KCTD16: variants seen among roughly 807,000 people sequenced by gnomAD.
KCTD16 encodes the protein potassium channel tetramerization domain containing 16.
A neutral mutation model predicts 33.2 loss-of-function variants in KCTD16; 13 were observed. That is an observed-to-expected ratio of 0.39 (90% CI 0.25 to 0.62). The LOEUF is 0.62. Ranked by LOEUF, KCTD16 falls within the 20% of genes least tolerant of loss-of-function variation. The pLI is 0.50. For missense variants in KCTD16, 441 were observed against 525.1 expected (o/e 0.84, Z 1.57); for synonymous variants, 197 against 195.3 (o/e 1.01, Z -0.07).
intron 3 of KCTD16, among the ~76,000 whole-genome samples, chr5:144,338,339 A>G (rs895436381): frequency 2.0e-5 from 3 of 152,194 alleles, no homozygotes; most frequent in Admixed American, 6.5e-5. Flanking sequence ...AGACTGGTTG[A>G]CCTGGGATCA....
intron 3 of KCTD16, among the ~76,000 whole-genome samples, chr5:144,349,735 C>T (rs1752898930): frequency 6.6e-6 from 1 of 152,184 alleles, no homozygotes; most frequent in South Asian, 2.1e-4. Context: ...GGTCCTATCC[C>T]TGGCCCAAGG....
intron 2 of KCTD16, chr5:144,205,841 A>T: frequency 2.9e-6 from 1 of 339,288 alleles, no homozygotes; most frequent in Non-Finnish European, 5.3e-6. Context: ...CATAAATACA[A>T]ATAGGCATTT....
chr5:144,378,334 GC>G (rs1476252417), intron 3 of KCTD16, among the ~76,000 whole-genome samples: 1 of 152,168 alleles, frequency 6.6e-6, no homozygotes, highest in Non-Finnish European at 1.5e-5. Context: ...GGTGTATATT[GC>G]CAGATAATAT....
intron 3 of KCTD16, among the ~76,000 whole-genome samples, chr5:144,328,086 G>A (rs1397626780): frequency 1.3e-5 from 2 of 152,258 alleles, no homozygotes; most frequent in East Asian, 3.9e-4. Flanking sequence ...CACTTAGAAA[G>A]TGAGAAAAGT....
chr5:144,176,405 TTTTTTTTTGAGACGGAGTCTCG>T, intron 2 of KCTD16, among the ~76,000 whole-genome samples: 1 of 144,576 alleles, frequency 6.9e-6, no homozygotes, highest in Non-Finnish European at 1.5e-5. Context: ...TTTTTTTTTT[TTTTTTTTTGAGACGGAGTCTCG>T]CTCTGTCGCC....
At chr5:144,273,600 C>G (rs1266814835) in intron 3 of KCTD16, among the ~76,000 whole-genome samples, 1 of 151,998 alleles carries the variant, frequency 6.6e-6, no homozygotes, top group Non-Finnish European at 1.5e-5. Context: ...TAGATAAGCA[C>G]AATGTAATTC....
At chr5:144,419,002 CTCA>C (rs1300565087) in intron 3 of KCTD16, among the ~76,000 whole-genome samples, 1 of 152,186 alleles carries the variant, frequency 6.6e-6, no homozygotes, top group Non-Finnish European at 1.5e-5. Flanking sequence ...AGTTACACAA[CTCA>C]TCATCTGTCG....
At chr5:144,280,402 T>C (rs1315487142) in intron 3 of KCTD16, among the ~76,000 whole-genome samples, 3 of 152,228 alleles carry the variant, frequency 2.0e-5, no homozygotes, top group African/African-American at 7.2e-5. Context: ...GAGTAAGTTT[T>C]GGCAGTGTAT....
At chr5:144,386,250 A>T (rs1011269433) in intron 3 of KCTD16, among the ~76,000 whole-genome samples, 5 of 152,130 alleles carry the variant, frequency 3.3e-5, no homozygotes, top group Non-Finnish European at 5.9e-5. Flanking sequence ...TAGGGTGTGT[A>T]CTTCATGCCT....
chr5:144,404,423 A>G (rs1256366205), intron 3 of KCTD16, among the ~76,000 whole-genome samples: 1 of 152,092 alleles, frequency 6.6e-6, no homozygotes, highest in African/African-American at 2.4e-5. Flanking sequence ...TTCAATGAAT[A>G]TTTTCTCCCT....
intron 3 of KCTD16, among the ~76,000 whole-genome samples, chr5:144,385,834 G>T (rs998837561): frequency 6.6e-6 from 1 of 152,026 alleles, no homozygotes; most frequent in Non-Finnish European, 1.5e-5. Context: ...CTTAAAAAAA[G>T]AAGTGGTTCC....
chr5:144,330,425 A>G (rs1313028880), intron 3 of KCTD16, among the ~76,000 whole-genome samples: 1 of 151,654 alleles, frequency 6.6e-6, no homozygotes, highest in Non-Finnish European at 1.5e-5. Context: ...AAAAAAAAAA[A>G]AAAAAAAAAG....
intron 3 of KCTD16, among the ~76,000 whole-genome samples, chr5:144,314,460 T>C (rs779608060): frequency 6.6e-6 from 1 of 152,094 alleles, no homozygotes; most frequent in Non-Finnish European, 1.5e-5. Context: ...CAAAAGTGTA[T>C]GTTCTTCTCC....
At chr5:144,359,988 A>G (rs1344847435) in intron 3 of KCTD16, among the ~76,000 whole-genome samples, 1 of 152,170 alleles carries the variant, frequency 6.6e-6, no homozygotes, top group African/African-American at 2.4e-5. Flanking sequence ...GTCCATACCC[A>G]GAATGTCTTC....
chr5:144,196,150 A>G (rs1752935125), intron 2 of KCTD16, among the ~76,000 whole-genome samples: 1 of 152,168 alleles, frequency 6.6e-6, no homozygotes, highest in East Asian at 1.9e-4. Context: ...CTCAAAACGT[A>G]TTTTGCTGGA....
intron 2 of KCTD16, among the ~76,000 whole-genome samples, chr5:144,197,143 C>G (rs1752954164): frequency 1.3e-5 from 2 of 152,074 alleles, no homozygotes; most frequent in Non-Finnish European, 2.9e-5. Context: ...TTGTCTGGTA[C>G]CTTGACAAAA....
At chr5:144,234,324 G>A (rs1173933017) in intron 3 of KCTD16, among the ~76,000 whole-genome samples, 3 of 152,118 alleles carry the variant, frequency 2.0e-5, no homozygotes, top group East Asian at 1.9e-4. Flanking sequence ...AGATTTTAAT[G>A]TTCTTGTAAG....
chr5:144,307,560 G>T (rs1433884812), intron 3 of KCTD16, among the ~76,000 whole-genome samples: 2 of 152,128 alleles, frequency 1.3e-5, no homozygotes, highest in Non-Finnish European at 2.9e-5. Flanking sequence ...AAGTACTAAG[G>T]CTTGGTGGTT....
intron 3 of KCTD16, among the ~76,000 whole-genome samples, chr5:144,344,809 G>T (rs1752743371): frequency 6.7e-6 from 1 of 150,086 alleles, no homozygotes; most frequent in African/African-American, 2.4e-5. Context: ...ATTCCTCAGG[G>T]ATCTAGAACT....
Sources: allele counts gnomAD v4.1 joint callset (sites outside exome capture counted in the v4.1 genomes callset), GRCh38; gene constraint gnomAD v4.1.1; transcripts MANE v1.5; gene names NCBI Gene and HGNC (gene_info 2026-07-23, HGNC 2026-07-21).